The following SLC10A7 variants were observed in gnomAD, a reference collection of about 807,000 sequenced individuals.
SLC10A7 encodes the protein solute carrier family 10 member 7.
A neutral mutation model predicts 43.2 loss-of-function variants in SLC10A7; 29 were observed. The observed-to-expected ratio is 0.67, with a 90% CI of 0.50 to 0.92. SLC10A7 has a LOEUF of 0.92. SLC10A7 is among the 40% of genes least tolerant of loss of function. The pLI is 0.00. For synonymous variants in SLC10A7, 152 were observed against 144.8 expected, an observed-to-expected ratio of 1.05 and a Z score of -0.35; for missense variants, 295 against 403.2, an observed-to-expected ratio of 0.73 and a Z score of 2.30.
At position 146,288,475 on chromosome 4, in the gene SLC10A7, G is replaced by A. The variant is rs142419573; in HGVS notation, c.773+4454C>T. On this transcript the variant is annotated intron_variant, in intron 9 of 11. Coordinates refer to ENST00000335472, the MANE Select transcript of SLC10A7 (RefSeq NM_001029998.6). ...CAACTCCCCTAAAGTCACACAACTA[G>A]TAAGTTGGTTGCCCCAAACCTTGGT... Among the ~76,000 whole-genome samples the A allele has an allele frequency of 8.1e-3, 1,230 of 152,338 alleles. 15 individuals are homozygous for A. Among genetic ancestry groups the A allele is most frequent in the African/African-American group, 0.029 (1,189 of 41,584 alleles).
intron 2 of SLC10A7, chr4:146,514,655 TAAACTC>T (rs1482466200): frequency 1.3e-5 from 2 of 153,312 alleles, no homozygotes; most frequent in East Asian, 3.8e-4. Flanking sequence ...TGCTTCCAAA[TAAACTC>T]AAGTCAATAA....
chr4:146,427,461 CT>C (rs1655036567), intron 5 of SLC10A7, among the ~76,000 whole-genome samples: 2 of 152,024 alleles, frequency 1.3e-5, no homozygotes, highest in Admixed American at 6.6e-5. Context: ...AACCTTTTGA[CT>C]TCAACAGTTG....
chr4:146,466,045 A>G (rs1397036453), intron 4 of SLC10A7, among the ~76,000 whole-genome samples: 2 of 152,192 alleles, frequency 1.3e-5, no homozygotes, highest in African/African-American at 4.8e-5. Context: ...GTGTTTTAGA[A>G]AAAAAAGTGG....
chr4:146,521,772 C>T lies in SLC10A7; in HGVS notation c.-55G>A, dbSNP rs1212009790. 3.6e-6 allele frequency: 5 copies of T among 1,381,090 alleles called. No individual in the cohort carries two copies. Among genetic ancestry groups the T allele is most frequent in the Middle Eastern group, 3.6e-4 (2 of 5,618 alleles). 85.6% of individuals were successfully genotyped at this position (1,381,090 alleles called of 1,614,324 possible). A position where few individuals can be genotyped will look rare whatever the true frequency, so the allele number is the denominator to read the frequency against. On this transcript the variant is annotated 5_prime_UTR_variant, in exon 1 of 12. Transcript: ENST00000335472. The stretch of plus-strand genomic sequence containing the variant: ...TTGTTTGGCTTTTTTTCTTTTCAAG[C>T]TCCGATCACCTAATCCTTGGAGCGT...
At chr4:146,342,896 T>C (rs151022129) in intron 5 of SLC10A7, among the ~76,000 whole-genome samples, 24 of 151,918 alleles carry the variant, frequency 1.6e-4, no homozygotes, top group African/African-American at 5.8e-4. Context: ...ATATTTTTTA[T>C]AGATAAAACA....
chr4:146,281,717 TTA>T (rs1266228717), intron 10 of SLC10A7, among the ~76,000 whole-genome samples: 1 of 152,158 alleles, frequency 6.6e-6, no homozygotes, highest in African/African-American at 2.4e-5. Flanking sequence ...AATACACTTG[TTA>T]CATGAAAATC....
chr4:146,326,174 A>T (rs1216023730), intron 5 of SLC10A7, among the ~76,000 whole-genome samples, 178 bp from the exon 6 acceptor site: 1 of 152,200 alleles, frequency 6.6e-6, no homozygotes, highest in African/African-American at 2.4e-5. Context: ...TAACATCTCT[A>T]TTACAATTAT....
chr4:146,349,328 T>A (rs910052615), intron 5 of SLC10A7, among the ~76,000 whole-genome samples: 3 of 152,092 alleles, frequency 2.0e-5, no homozygotes, highest in Non-Finnish European at 4.4e-5. Flanking sequence ...CTCACACCAG[T>A]CAGAATGGCT....
At chr4:146,356,051 AATAT>A (rs763407986) in intron 5 of SLC10A7, among the ~76,000 whole-genome samples, 53 of 140,138 alleles carry the variant, frequency 3.8e-4, no homozygotes, top group East Asian at 1.0e-3. Context: ...AAAAAAAAAA[AATAT>A]ATATATATAT....
At chr4:146,351,132 G>C (rs1172334427) in intron 5 of SLC10A7, among the ~76,000 whole-genome samples, 1 of 150,942 alleles carries the variant, frequency 6.6e-6, no homozygotes, top group African/African-American at 2.5e-5. Context: ...TGAAAACTTT[G>C]AAAAAAATTT....
At chr4:146,432,384 G>A (rs905107273) in intron 5 of SLC10A7, among the ~76,000 whole-genome samples, 16 of 152,130 alleles carry the variant, frequency 1.1e-4, no homozygotes. Context: ...TCATCAACTG[G>A]TAAATTTATT....
intron 10 of SLC10A7, among the ~76,000 whole-genome samples, chr4:146,264,730 C>G (rs1728447716): frequency 6.6e-6 from 1 of 152,184 alleles, no homozygotes; most frequent in Admixed American, 6.5e-5. Context: ...TACTTTCTAC[C>G]ACCCAAAGTT....
chr4:146,489,176 A>C (rs750561077), intron 4 of SLC10A7, among the ~76,000 whole-genome samples: 4 of 152,116 alleles, frequency 2.6e-5, no homozygotes, highest in Non-Finnish European at 4.4e-5. Flanking sequence ...CACATCCATA[A>C]CTTCTTAGGA....
intron 2 of SLC10A7, chr4:146,513,939 C>A (rs1174873767): frequency 6.6e-6 from 1 of 152,096 alleles, no homozygotes; most frequent in East Asian, 1.9e-4. Flanking sequence ...GTAATAAGGT[C>A]AAAATCCATT....
chr4:146,304,405 C>G (rs1451529327), intron 7 of SLC10A7, among the ~76,000 whole-genome samples: 1 of 151,954 alleles, frequency 6.6e-6, no homozygotes, highest in Non-Finnish European at 1.5e-5. Context: ...AAATTTCCCT[C>G]TACACACTGC....
intron 5 of SLC10A7, among the ~76,000 whole-genome samples, chr4:146,349,432 CT>C (rs1321667748): frequency 6.6e-6 from 1 of 152,194 alleles, no homozygotes; most frequent in Non-Finnish European, 1.5e-5. Context: ...ATTTCAGCCA[CT>C]GTGGGAAGCA....
chr4:146,508,706 C>T (rs923406458), intron 3 of SLC10A7, among the ~76,000 whole-genome samples: 5 of 152,188 alleles, frequency 3.3e-5, no homozygotes, highest in Admixed American at 6.5e-5. Context: ...TGAACTGCTA[C>T]CTCACCACTA....
intron 4 of SLC10A7, among the ~76,000 whole-genome samples, chr4:146,497,334 T>C (rs995603986): frequency 6.6e-5 from 10 of 152,212 alleles, no homozygotes; most frequent in Non-Finnish European, 1.5e-4. Flanking sequence ...ACAGATAACC[T>C]AGAGTTTAAA....
At chr4:146,497,716 T>C (rs775073000) in intron 4 of SLC10A7, among the ~76,000 whole-genome samples, 17 of 152,170 alleles carry the variant, frequency 1.1e-4, no homozygotes, top group Non-Finnish European at 2.1e-4. Context: ...AGAAATGAAA[T>C]AGTTCTACAA....
Sources: allele counts gnomAD v4.1 joint callset (sites outside exome capture counted in the v4.1 genomes callset), GRCh38; gene constraint gnomAD v4.1.1; transcripts MANE v1.5; gene names NCBI Gene and HGNC (gene_info 2026-07-23, HGNC 2026-07-21).